The following ESR1 variants were observed in gnomAD, a reference collection of about 807,000 sequenced individuals.
The protein encoded by ESR1 is estrogen receptor.
A neutral mutation model predicts 52.7 loss-of-function variants in ESR1; 12 were observed. The observed-to-expected ratio is 0.23, with a 90% CI of 0.15 to 0.37. The LOEUF is 0.37. Among genes scored for constraint, ESR1 ranks in the 10% least tolerant of loss-of-function variants. ESR1 has a pLI of 1.00. For synonymous variants in ESR1, 305 were observed against 316.8 expected, an observed-to-expected ratio of 0.96 and a Z score of 0.39; for missense variants, 584 against 779.7, an observed-to-expected ratio of 0.75 and a Z score of 2.99.
At chr6:151,841,708 GTCTC>G (rs986773123) in intron 1 of ESR1, among the ~76,000 whole-genome samples, 2 of 150,924 alleles carry the variant, frequency 1.3e-5, no homozygotes, top group African/African-American at 4.9e-5. Context: ...TCCTCTGATT[GTCTC>G]TCTTTCTACA....
chr6:151,953,636 G>A (rs1482943110), intron 4 of ESR1, among the ~76,000 whole-genome samples: 4 of 151,870 alleles, frequency 2.6e-5, no homozygotes, highest in South Asian at 2.1e-4. Flanking sequence ...GGGGAGAATC[G>A]CTTGAACCCG....
At chr6:152,029,574 GA>G (rs1305528741) in intron 5 of ESR1, among the ~76,000 whole-genome samples, 1 of 152,218 alleles carries the variant, frequency 6.6e-6, no homozygotes, top group East Asian at 1.9e-4. Flanking sequence ...AATGAAGTGA[GA>G]AGAGAAGTTT....
intron 1 of ESR1, among the ~76,000 whole-genome samples, chr6:151,830,431 G>A (rs75001459): frequency 0.069 from 10,515 of 152,164 alleles, 497 homozygotes; most frequent in Non-Finnish European, 0.092. Context: ...CTCCCAATAC[G>A]GTGCTATGCT....
chr6:151,670,762 G>GTTTTTTTTTTTTTTTTTTTT (rs35606990), intron 1 of ESR1, among the ~76,000 whole-genome samples: 1 of 85,782 alleles, frequency 1.2e-5, no homozygotes. Flanking sequence ...TTTTGTTTTC[G>GTTTTTTTTTTTTTTTTTTTT]TTTTTTTTTT....
intron 3 of ESR1, among the ~76,000 whole-genome samples, chr6:151,893,524 A>G (rs79347541): frequency 0.029 from 4,402 of 151,724 alleles, 209 homozygotes; most frequent in African/African-American, 0.1. Flanking sequence ...TTATATTTTT[A>G]AACGCTTGCT....
At chr6:151,660,832 T>C (rs995787503) in intron 1 of ESR1, among the ~76,000 whole-genome samples, 1 of 152,226 alleles carries the variant, frequency 6.6e-6, no homozygotes, top group Non-Finnish European at 1.5e-5. Flanking sequence ...TAAATGACTC[T>C]AGCATTTGTA....
chr6:151,779,405 G>C (rs578150846), intron 2 of ESR1, among the ~76,000 whole-genome samples: 235 of 152,196 alleles, frequency 1.5e-3, no homozygotes, highest in African/African-American at 5.5e-3. Flanking sequence ...CATTTATGCA[G>C]CCAACAAACA....
intron 3 of ESR1, among the ~76,000 whole-genome samples, chr6:151,942,596 T>C (rs544658658): frequency 4.4e-4 from 67 of 151,362 alleles, no homozygotes; most frequent in African/African-American, 1.5e-3. Flanking sequence ...TAGGAAGAGT[T>C]CATGGCTTCT....
intron 4 of ESR1, among the ~76,000 whole-genome samples, chr6:151,980,382 T>G (rs749115178): frequency 5.9e-5 from 9 of 152,208 alleles, no homozygotes; most frequent in Non-Finnish European, 1.3e-4. Context: ...CTTTGAGTAA[T>G]TTTCAGTGTC....
intron 2 of ESR1, among the ~76,000 whole-genome samples, chr6:151,704,067 T>C (rs1286571677): frequency 2.6e-5 from 4 of 152,214 alleles, no homozygotes; most frequent in African/African-American, 9.7e-5. Context: ...TTGGCTCTAT[T>C]AATATTAAAA....
chr6:151,706,757 T>C (rs1780215550), intron 2 of ESR1, among the ~76,000 whole-genome samples: 1 of 152,134 alleles, frequency 6.6e-6, no homozygotes, highest in African/African-American at 2.4e-5. Flanking sequence ...GTGTTAAGAC[T>C]TTAGACCAAA....
intron 2 of ESR1, among the ~76,000 whole-genome samples, chr6:151,877,841 G>A (rs777826205): frequency 2.6e-5 from 4 of 151,498 alleles, no homozygotes; most frequent in Admixed American, 6.6e-5. Context: ...ATAGGGTCTC[G>A]CTCTGTTGTC....
chr6:152,027,555 A>G (rs954668476), intron 5 of ESR1, among the ~76,000 whole-genome samples: 2 of 152,024 alleles, frequency 1.3e-5, no homozygotes, highest in Non-Finnish European at 2.9e-5. Flanking sequence ...GCTGCATACA[A>G]AATCTCTGGC....
chr6:151,727,500 C>T (rs1246839710), intron 2 of ESR1, among the ~76,000 whole-genome samples: 1 of 152,184 alleles, frequency 6.6e-6, no homozygotes, highest in African/African-American at 2.4e-5. Context: ...CTATGCCTGG[C>T]TGGATTCATT....
intron 6 of ESR1, among the ~76,000 whole-genome samples, chr6:152,110,420 G>T (rs2051117789): frequency 6.6e-6 from 1 of 152,152 alleles, no homozygotes; most frequent in Admixed American, 6.5e-5. Context: ...GCAAACTAAT[G>T]CAGGAACAGA....
chr6:151,706,204 G>A (rs991187857), intron 2 of ESR1, among the ~76,000 whole-genome samples: 3 of 152,122 alleles, frequency 2.0e-5, no homozygotes, highest in Non-Finnish European at 4.4e-5. Flanking sequence ...TTGCTTTGGC[G>A]CCTATTTCAA....
At chr6:152,093,354 TTCTC>T (rs1159067209) in intron 6 of ESR1, among the ~76,000 whole-genome samples, 1 of 84,298 alleles carries the variant, frequency 1.2e-5, no homozygotes, top group Admixed American at 9.6e-5. Context: ...CTCTCTCTCT[TTCTC>T]TCTCTCTCTC....
At chr6:151,699,345 C>T (rs189162988) in intron 1 of ESR1, among the ~76,000 whole-genome samples, 6 of 152,148 alleles carry the variant, frequency 3.9e-5, no homozygotes, top group African/African-American at 1.4e-4. Context: ...ACTGGGTATA[C>T]TAGACAAGTT....
chr6:152,015,893 C>A (rs532165837), intron 5 of ESR1, among the ~76,000 whole-genome samples: 2 of 152,104 alleles, frequency 1.3e-5, no homozygotes, highest in South Asian at 2.1e-4. Flanking sequence ...ATAATCAAAC[C>A]CCTTATGAAG....
Sources: gnomAD v4.1 joint callset for allele counts (sites outside exome capture counted in the v4.1 genomes callset) on GRCh38, gnomAD v4.1.1 for gene constraint, MANE v1.5 for transcripts, NCBI Gene and HGNC (gene_info 2026-07-23, HGNC 2026-07-21) for gene names.